The following CPNE4 variants were observed in gnomAD, a reference collection of about 807,000 sequenced individuals.
CPNE4 encodes the protein copine 4.
A neutral mutation model predicts 67.9 loss-of-function variants in CPNE4; 25 were observed. The observed-to-expected ratio is 0.37, with a 90% CI of 0.27 to 0.51. The LOEUF is 0.51. Ranked by LOEUF, CPNE4 falls within the 20% of genes least tolerant of loss-of-function variation. The pLI, the probability that CPNE4 is intolerant of heterozygous loss-of-function variation, is 0.93. For missense variants in CPNE4, 464 were observed against 690.8 expected, an observed-to-expected ratio of 0.67 and a Z score of 3.68; for synonymous variants, 242 against 244.9, an observed-to-expected ratio of 0.99 and a Z score of 0.11.
At chr3:131,891,174 T>G (rs771321836) in intron 2 of CPNE4, among the ~76,000 whole-genome samples, 6 of 152,108 alleles carry the variant, frequency 3.9e-5, no homozygotes, top group Non-Finnish European at 8.8e-5. Flanking sequence ...ATTTTTTATC[T>G]GGATTGTGGT....
chr3:132,011,995 A>G (rs2073776271), intron 1 of CPNE4, among the ~76,000 whole-genome samples: 1 of 152,138 alleles, frequency 6.6e-6, no homozygotes, highest in South Asian at 2.1e-4. Flanking sequence ...TTTAGGTCAC[A>G]GGTCAGCAAA....
chr3:131,999,463 C>A (rs538271688), intron 1 of CPNE4, among the ~76,000 whole-genome samples: 4 of 151,918 alleles, frequency 2.6e-5, no homozygotes, highest in African/African-American at 7.3e-5. Flanking sequence ...AGAGTACATA[C>A]TATATGTTTC....
intron 1 of CPNE4, among the ~76,000 whole-genome samples, chr3:131,972,389 G>C (rs1041704987): frequency 1.3e-5 from 2 of 152,170 alleles, no homozygotes; most frequent in Admixed American, 6.5e-5. Flanking sequence ...CTTTGTATGA[G>C]GTAAAGTGCA....
chr3:131,715,428 T>G (rs2081659505), intron 3 of CPNE4, among the ~76,000 whole-genome samples: 1 of 152,234 alleles, frequency 6.6e-6, no homozygotes, highest in Non-Finnish European at 1.5e-5. Context: ...TCATTTATAC[T>G]AGTTAGTGAC....
intron 1 of CPNE4, among the ~76,000 whole-genome samples, chr3:131,937,680 CA>C (rs764153584): frequency 3.2e-4 from 49 of 151,718 alleles, no homozygotes; most frequent in Non-Finnish European, 5.5e-4. Flanking sequence ...TGTGTAGATA[CA>C]TGCAAATAAC....
At chr3:131,579,622 A>C (rs1937656946) in intron 9 of CPNE4, among the ~76,000 whole-genome samples, 1 of 152,212 alleles carries the variant, frequency 6.6e-6, no homozygotes, top group African/African-American at 2.4e-5. Flanking sequence ...AAATATCAAC[A>C]CTAATAGGAG....
chr3:131,789,027 CACACACACAG>C (rs1416067372), intron 2 of CPNE4, among the ~76,000 whole-genome samples: 1 of 147,760 alleles, frequency 6.8e-6, no homozygotes, highest in Non-Finnish European at 1.5e-5. Context: ...CACACACACA[CACACACACAG>C]AGAGAGAGAG....
At chr3:131,703,905 A>T (rs997867963) in intron 3 of CPNE4, among the ~76,000 whole-genome samples, 1 of 152,192 alleles carries the variant, frequency 6.6e-6, no homozygotes, top group East Asian at 1.9e-4. Context: ...TAGAACTTTT[A>T]TTCCTTAAAA....
intron 7 of CPNE4, among the ~76,000 whole-genome samples, chr3:131,636,751 AC>A (rs1235846905): frequency 2.6e-5 from 4 of 152,174 alleles, no homozygotes; most frequent in African/African-American, 9.7e-5. Flanking sequence ...AGTGCACTAA[AC>A]AAAAACACAA....
intron 1 of CPNE4, among the ~76,000 whole-genome samples, chr3:131,917,156 A>T (rs1042690585): frequency 6.6e-6 from 1 of 152,152 alleles, no homozygotes; most frequent in Admixed American, 6.6e-5. Flanking sequence ...GACCTTGGGG[A>T]CAATATTGGA....
At chr3:131,606,006 C>T (rs911500865) in intron 7 of CPNE4, among the ~76,000 whole-genome samples, 1 of 152,128 alleles carries the variant, frequency 6.6e-6, no homozygotes, top group African/African-American at 2.4e-5. Flanking sequence ...ATGCCTGTGT[C>T]TCTGTTTCTA....
rs73220498 is a variant in CPNE4 at position 131,782,201 on chromosome 3, T to A, written c.181-58576A>T. Among the ~76,000 whole-genome samples, 1,513 of 152,164 alleles carry A rather than the reference T, an allele frequency of 9.9e-3. 12 individuals carry two copies. The highest frequency in any genetic ancestry group is 0.016 in the Non-Finnish European group (1,077 of 67,978). On this transcript the variant is annotated intron_variant, in intron 2 of 15. Transcript: ENST00000429747. ...GCTTTGTAGCATGTAAAGAGAATAA[T>A]CAATTTGGCCAATTCTGAAGATGAC...
At chr3:131,767,311 T>G (rs1301549288) in intron 2 of CPNE4, among the ~76,000 whole-genome samples, 1 of 151,966 alleles carries the variant, frequency 6.6e-6, no homozygotes, top group African/African-American at 2.4e-5. Flanking sequence ...GGAAAAGATC[T>G]TTCATCACTT....
chr3:131,951,825 G>C (rs1451389226), intron 1 of CPNE4, among the ~76,000 whole-genome samples: 1 of 152,044 alleles, frequency 6.6e-6, no homozygotes, highest in East Asian at 1.9e-4. Context: ...TCGGCCTCCC[G>C]AGGTGCCGGG....
Position 131,966,454 on chromosome 3 carries a change from A to G in CPNE4, c.-1-61010T>C, listed in dbSNP as rs191585730. Among the ~76,000 whole-genome samples the G allele has an allele frequency of 2.7e-3, 418 of 152,324 alleles. 4 individuals carry two copies. Among genetic ancestry groups the G allele is most frequent in the African/African-American group, 9.5e-3 (395 of 41,580 alleles). Reference sequence around the variant, plus strand: ...AGGAGCTGGTTTTTTGAAAAGATTAACAAAATAGGTAGACCACTAGCCAGA... The same window carrying G: ...AGGAGCTGGTTTTTTGAAAAGATTAGCAAAATAGGTAGACCACTAGCCAGA... On this transcript the variant is annotated intron_variant, in intron 1 of 15. Transcript: ENST00000429747.
intron 14 of CPNE4, among the ~76,000 whole-genome samples, chr3:131,545,637 T>C (rs1460480851): frequency 1.3e-5 from 2 of 152,236 alleles, no homozygotes; most frequent in Non-Finnish European, 2.9e-5. Flanking sequence ...GTTCTCATAA[T>C]TTAAAATGTA....
At chr3:131,686,043 A>G (rs1045244603) in intron 5 of CPNE4, 85 bp from the exon 6 acceptor site, 75 of 753,102 alleles carry the variant, frequency 1.0e-4, no homozygotes, top group Non-Finnish European at 9.6e-5. Flanking sequence ...ATCAACAGGA[A>G]AACCCTCTTG....
chr3:131,802,186 T>C (rs1583224702), intron 2 of CPNE4, among the ~76,000 whole-genome samples: 1 of 152,234 alleles, frequency 6.6e-6, no homozygotes, highest in East Asian at 1.9e-4. Context: ...CGTAGAAATA[T>C]GGGAGAGAAC....
intron 7 of CPNE4, among the ~76,000 whole-genome samples, chr3:131,615,278 G>T (rs1158654084): frequency 6.6e-6 from 1 of 152,168 alleles, no homozygotes; most frequent in Non-Finnish European, 1.5e-5. Context: ...TAACACTGTT[G>T]TAAATACAGT....
Sources: allele counts gnomAD v4.1 joint callset (sites outside exome capture counted in the v4.1 genomes callset), GRCh38; gene constraint gnomAD v4.1.1; transcripts MANE v1.5; gene names NCBI Gene and HGNC (gene_info 2026-07-23, HGNC 2026-07-21).